Variants in UGT1A4 observed in about 807,000 individuals in gnomAD.
UGT1A4 encodes the protein UDP-glucuronosyltransferase 1A4.
In UGT1A4, 32 loss-of-function variants were observed where a neutral mutation model predicts 41.1. The observed-to-expected ratio is 0.78, with a 90% CI of 0.59 to 1.05. The LOEUF is 1.05. Ranked by LOEUF, UGT1A4 falls within the 50% of genes least tolerant of loss-of-function variation. UGT1A4 has a pLI of 0.00. For missense variants in UGT1A4, 748 were observed against 677.4 expected, an observed-to-expected ratio of 1.10 and a Z score of -1.16; for synonymous variants, 283 against 265.1, an observed-to-expected ratio of 1.07 and a Z score of -0.66.
chr2:233,760,256 G>A (rs2125981290), intron 1 of UGT1A4: 1 of 1,610,940 alleles, frequency 6.2e-7, no homozygotes, highest in South Asian at 1.1e-5. Context: ...ATAAGTAGGA[G>A]AGGGCGAACC....
rs756280025 is a variant in UGT1A4, at chr2:233,723,536, T to TAA, written c.867+3850_867+3851dup. 2.4e-4 allele frequency among the ~76,000 whole-genome samples: 29 copies of TAA among 121,476 alleles called. 1 individual carries two copies. Among genetic ancestry groups the TAA allele is most frequent in the South Asian group, 1.3e-3 (4 of 3,196 alleles). The allele number at this position is 121,476 out of a possible 152,430, so 79.7% of individuals were successfully genotyped here. ...ACAATCTTTTTTTTTTTTTTTTTTTTAATTTATTTTTTTATTGATAATTCT... is the reference window on the plus strand; with the variant it reads ...ACAATCTTTTTTTTTTTTTTTTTTTTAAAATTTATTTTTTTATTGATAATTCT... On this transcript the variant is annotated intron_variant, in intron 1 of 4. Transcript: ENST00000373409.
chr2:233,754,256 G>T (rs1695431509), intron 1 of UGT1A4: 1 of 171,288 alleles, frequency 5.8e-6, no homozygotes, highest in Admixed American at 5.6e-5. Flanking sequence ...AACGGAAAAA[G>T]GTAAGGCTCA....
At chr2:233,731,004 T>C (rs2078096458) in intron 1 of UGT1A4, among the ~76,000 whole-genome samples, 1 of 152,244 alleles carries the variant, frequency 6.6e-6, no homozygotes, top group South Asian at 2.1e-4. Flanking sequence ...CTGTGCCATG[T>C]ACATCGTGAG....
chr2:233,743,990 C>T (rs541433916), intron 1 of UGT1A4: 26 of 1,267,206 alleles, frequency 2.1e-5, no homozygotes, highest in Admixed American at 2.4e-5. Context: ...GGCGCAGGCC[C>T]GAGTGCTCGG....
chr2:233,772,113 TA>T, intron 4 of UGT1A4, 148 bp from the exon 5 acceptor site: 2 of 1,529,488 alleles, frequency 1.3e-6, no homozygotes, highest in South Asian at 2.5e-5. Flanking sequence ...ACTCTGTATC[TA>T]AAAACAACAA....
At chr2:233,728,228 C>T (rs1162428400) in intron 1 of UGT1A4, among the ~76,000 whole-genome samples, 1 of 152,188 alleles carries the variant, frequency 6.6e-6, no homozygotes. Flanking sequence ...CCATAATCTT[C>T]AGGATGAAAT....
intron 1 of UGT1A4, among the ~76,000 whole-genome samples, chr2:233,727,721 C>A (rs2077642533): frequency 6.6e-6 from 1 of 152,216 alleles, no homozygotes; most frequent in Non-Finnish European, 1.5e-5. Context: ...CCTTGCAGAC[C>A]TTCCTTTTCT....
intron 1 of UGT1A4, among the ~76,000 whole-genome samples, chr2:233,731,993 G>T (rs913496587): frequency 6.6e-6 from 1 of 152,180 alleles, no homozygotes; most frequent in African/African-American, 2.4e-5. Context: ...GGCGTGAGAT[G>T]GTATCTCATT....
At chr2:233,763,222 T>C (rs1031728424) in intron 1 of UGT1A4, among the ~76,000 whole-genome samples, 2 of 152,230 alleles carry the variant, frequency 1.3e-5, no homozygotes, top group African/African-American at 4.8e-5. Context: ...GGTGTGAAAA[T>C]ATGTTTTTAA....
Position 233,772,319 on chromosome 2 carries a change from GCT to G in UGT1A4, c.1366_1367del (p.Leu456GlyfsTer53). ...TTCACAAGGACCGCCCGGTGGAGCC[GCT>G]GGACCTGGCCGTGTTCTGGGTGGAG... ...SLHKDRPVEP[L>X]DLAVFWVEFV... On this transcript the variant is annotated frameshift_variant, in exon 5 of 5. Coordinates refer to ENST00000373409, the MANE Select transcript of UGT1A4 (RefSeq NM_007120.3). LOFTEE classifies it high-confidence loss of function. 1 of 1,614,164 alleles carries G rather than the reference GCT, an allele frequency of 6.2e-7. No homozygotes were observed. Among genetic ancestry groups the G allele is most frequent in the Non-Finnish European group, 8.5e-7 (1 of 1,180,030 alleles).
chr2:233,766,051 C>T (rs552293215), intron 1 of UGT1A4, among the ~76,000 whole-genome samples: 2 of 152,294 alleles, frequency 1.3e-5, no homozygotes, highest in African/African-American at 2.4e-5. Flanking sequence ...CTTGTGTTAA[C>T]CAGCTCAATT....
At position 233,772,550 on chromosome 2, in the gene UGT1A4, G is replaced by A. The variant is rs762374323; in HGVS notation, c.1596G>A (p.Lys532=). The change falls in exon 5 of 5, where the codon AAG becomes AAA. Residue 532 remains lysine, a synonymous_variant. Transcript: ENST00000373409. ...GAGTTAAGAAAGCCCACAAATCCAA[G>A]ACCCATTGAGAAGTGGGTGGGAAAT... ...KGRVKKAHKS[K]TH 21 of 1,613,880 alleles carry A rather than the reference G, an allele frequency of 1.3e-5. No homozygotes were observed. The highest frequency in any genetic ancestry group is 1.5e-5 in the Non-Finnish European group (18 of 1,179,970).
Position 233,772,612 on chromosome 2 carries a change from A to C in UGT1A4, c.*53A>C. ...TTGAACCATTCCCTAGTCATTTCCAAACTTGAAAACAGAATCAGTGTTAAA... is the reference window on the plus strand; with the variant it reads ...TTGAACCATTCCCTAGTCATTTCCACACTTGAAAACAGAATCAGTGTTAAA... On this transcript the variant is annotated 3_prime_UTR_variant, in exon 5 of 5. Coordinates refer to ENST00000373409, the MANE Select transcript of UGT1A4 (RefSeq NM_007120.3). The C allele has an allele frequency of 6.3e-7, 1 of 1,577,490 alleles. No homozygotes were observed. Among genetic ancestry groups the C allele is most frequent in the Non-Finnish European group, 8.6e-7 (1 of 1,160,700 alleles).
chr2:233,728,275 C>T (rs45459598), intron 1 of UGT1A4, among the ~76,000 whole-genome samples: 67 of 152,164 alleles, frequency 4.4e-4, no homozygotes, highest in Non-Finnish European at 6.9e-4. Context: ...CTGGAGCCTT[C>T]GGCATTCAGA....
rs545178357 is a variant in UGT1A4 at position 233,762,901 on chromosome 2, A to C, written c.868-4133A>C. ...TCTTATAAATTCCATGCCAAATATC[A>C]GGGCTATTGAATTTATTAGAATCTC... On this transcript the variant is annotated intron_variant, in intron 1 of 4. Coordinates refer to ENST00000373409, the MANE Select transcript of UGT1A4 (RefSeq NM_007120.3). Among the ~76,000 whole-genome samples the C allele has an allele frequency of 3.3e-5, 5 of 152,312 alleles. No homozygotes were observed. In the South Asian group the frequency reaches 1.0e-3, roughly 32 times the overall value.
chr2:233,755,066 A>G, intron 1 of UGT1A4: 1 of 1,335,668 alleles, frequency 7.5e-7, no homozygotes, highest in Non-Finnish European at 1.0e-6. Flanking sequence ...TCGCCTCGCC[A>G]TAGCGGTCAT....
At chr2:233,726,021 C>A (rs745583361) in intron 1 of UGT1A4, among the ~76,000 whole-genome samples, 1 of 152,022 alleles carries the variant, frequency 6.6e-6, no homozygotes, top group Non-Finnish European at 1.5e-5. Flanking sequence ...AAAAAATTAT[C>A]CAGGTGTGAT....
intron 1 of UGT1A4, among the ~76,000 whole-genome samples, chr2:233,751,881 A>G (rs553534557): frequency 1.3e-5 from 2 of 152,290 alleles, no homozygotes; most frequent in African/African-American, 4.8e-5. Context: ...CGTCTTGGGT[A>G]TGTCTTTATA....
chr2:233,744,930 A>G (rs1692966910), intron 1 of UGT1A4, among the ~76,000 whole-genome samples: 1 of 151,906 alleles, frequency 6.6e-6, no homozygotes, highest in African/African-American at 2.4e-5. Flanking sequence ...CTTTTATAAA[A>G]TGACACAGTA....
Sources: allele counts gnomAD v4.1 joint callset (sites outside exome capture counted in the v4.1 genomes callset), GRCh38; gene constraint gnomAD v4.1.1; transcripts MANE v1.5; gene names NCBI Gene and HGNC (gene_info 2026-07-23, HGNC 2026-07-21).